The following ZNF704 variants were observed in gnomAD, a reference collection of about 807,000 sequenced individuals.
The protein encoded by ZNF704 is zinc finger protein 704, also known as glucocorticoid induced gene 1.
In ZNF704, 10 loss-of-function variants were observed where a neutral mutation model predicts 44.7. That is an observed-to-expected ratio of 0.22 (90% CI 0.14 to 0.38). The LOEUF (loss-of-function observed/expected upper bound fraction) is 0.38. Ranked by LOEUF, ZNF704 falls within the 10% of genes least tolerant of loss-of-function variation. The pLI is 1.00. For synonymous variants in ZNF704, 211 were observed against 207.6 expected, an observed-to-expected ratio of 1.02 and a Z score of -0.14; for missense variants, 390 against 545.5, an observed-to-expected ratio of 0.71 and a Z score of 2.84.
chr8:80,752,202 C>G (rs779288171), intron 2 of ZNF704, among the ~76,000 whole-genome samples: 1 of 152,140 alleles, frequency 6.6e-6, no homozygotes, highest in Admixed American at 6.5e-5. Flanking sequence ...AATGCACTCA[C>G]TACTTTGCAG....
chr8:80,857,325 C>T (rs1257000352), intron 1 of ZNF704, among the ~76,000 whole-genome samples: 1 of 152,006 alleles, frequency 6.6e-6, no homozygotes, highest in Non-Finnish European at 1.5e-5. Context: ...AGGAAATTAC[C>T]TTTTGCTATT....
intron 2 of ZNF704, among the ~76,000 whole-genome samples, chr8:80,805,954 T>C (rs1807983270): frequency 6.6e-6 from 1 of 152,168 alleles, no homozygotes; most frequent in African/African-American, 2.4e-5. Context: ...CATCAGTGTC[T>C]TCAAACAGCA....
chr8:80,880,936 T>G, the ZNF704 span, among the ~76,000 whole-genome samples: 1 of 152,274 alleles, frequency 6.6e-6, no homozygotes, highest in Non-Finnish European at 1.5e-5. Flanking sequence ...GTAGAAATTC[T>G]AAAGCTTTGA....
At chr8:80,677,804 G>A (rs73691989) in intron 4 of ZNF704, among the ~76,000 whole-genome samples, 16,496 of 152,024 alleles carry the variant, frequency 0.11, 3,030 homozygotes, top group African/African-American at 0.37. Context: ...GCCACATTTG[G>A]GATATCTTAA....
chr8:80,700,051 T>C (rs909590691), intron 2 of ZNF704, among the ~76,000 whole-genome samples: 1 of 152,196 alleles, frequency 6.6e-6, no homozygotes, highest in East Asian at 1.9e-4. Context: ...ATGCAAAAGC[T>C]CCTGGTTCTT....
intron 1 of ZNF704, among the ~76,000 whole-genome samples, chr8:80,833,485 T>G (rs1808505059): frequency 1.3e-5 from 2 of 152,214 alleles, no homozygotes; most frequent in South Asian, 4.1e-4. Flanking sequence ...TTCTTCAAAT[T>G]TCATGCTAGG....
At position 80,675,943 on chromosome 8, in the gene ZNF704, C is replaced by T. The variant is rs561612869; in HGVS notation, c.559-5340G>A. 6.6e-5 allele frequency among the ~76,000 whole-genome samples: 10 copies of T among 152,138 alleles called. No individual in the cohort carries two copies. The East Asian group carries it at 1.9e-3, about 29-fold the overall frequency. ...TGCAGTTAGAGATGATTAGGGTGCA[C>T]TGCAGCATCCAATATTTTATGTTGG... On this transcript the variant is annotated intron_variant, in intron 4 of 8. Coordinates refer to ENST00000327835, the MANE Select transcript of ZNF704 (RefSeq NM_001033723.3).
the ZNF704 span, among the ~76,000 whole-genome samples, chr8:80,881,344 G>A: frequency 6.6e-6 from 1 of 152,188 alleles, no homozygotes; most frequent in Admixed American, 6.5e-5. Flanking sequence ...CAAAGAGTGA[G>A]GGAAGTCACT....
At chr8:80,856,084 A>T (rs542595811) in intron 1 of ZNF704, among the ~76,000 whole-genome samples, 4 of 152,266 alleles carry the variant, frequency 2.6e-5, no homozygotes, top group African/African-American at 9.6e-5. Context: ...CAGCCTGTTG[A>T]GTAGCTGGGA....
chr8:80,695,239 C>T (rs1818707162), intron 2 of ZNF704, among the ~76,000 whole-genome samples: 1 of 152,300 alleles, frequency 6.6e-6, no homozygotes, highest in South Asian at 2.1e-4. Context: ...GCTGCATATC[C>T]ACTAATCTAC....
intron 2 of ZNF704, among the ~76,000 whole-genome samples, chr8:80,767,677 C>A (rs1172081341): frequency 6.6e-6 from 1 of 152,146 alleles, no homozygotes. Flanking sequence ...TGATACTAAG[C>A]AGCTACAATC....
chr8:80,701,146 C>T (rs1322679398), intron 2 of ZNF704, among the ~76,000 whole-genome samples: 2 of 148,006 alleles, frequency 1.4e-5, no homozygotes, highest in African/African-American at 2.7e-5. Flanking sequence ...TGGCTGAATC[C>T]TCCTGTGCTG....
chr8:80,657,793 A>G (rs776480943), intron 7 of ZNF704, among the ~76,000 whole-genome samples: 1 of 151,986 alleles, frequency 6.6e-6, no homozygotes, highest in Non-Finnish European at 1.5e-5. Context: ...TGTTTTATAT[A>G]TCGTATATAT....
At chr8:80,730,505 C>T (rs901322961) in intron 2 of ZNF704, among the ~76,000 whole-genome samples, 21 of 132,888 alleles carry the variant, frequency 1.6e-4, no homozygotes, top group African/African-American at 6.2e-4. Context: ...TGCCATTGCA[C>T]TCCAGCCTGG....
At chr8:80,813,360 C>T (rs1808121306) in intron 2 of ZNF704, among the ~76,000 whole-genome samples, 1 of 152,154 alleles carries the variant, frequency 6.6e-6, no homozygotes, top group Non-Finnish European at 1.5e-5. Context: ...ATTCTAAATT[C>T]ACAATGCCAT....
chr8:80,706,562 A>T (rs901078235), intron 2 of ZNF704, among the ~76,000 whole-genome samples: 1 of 152,242 alleles, frequency 6.6e-6, no homozygotes, highest in Non-Finnish European at 1.5e-5. Flanking sequence ...GCTCCCCAGG[A>T]GCAAGGGGGG....
intron 2 of ZNF704, among the ~76,000 whole-genome samples, chr8:80,778,337 C>T (rs1336613354): frequency 6.6e-6 from 1 of 152,040 alleles, no homozygotes; most frequent in Non-Finnish European, 1.5e-5. Context: ...ATGGCTATTA[C>T]TAGAAAGTCA....
chr8:80,819,064 C>G (rs1285649187), intron 2 of ZNF704, among the ~76,000 whole-genome samples: 1 of 152,054 alleles, frequency 6.6e-6, no homozygotes, highest in African/African-American at 2.4e-5. Flanking sequence ...GCAATGAAAA[C>G]AAGTATATTA....
intron 2 of ZNF704, among the ~76,000 whole-genome samples, chr8:80,804,364 CACAT>C (rs1337031189): frequency 1.3e-5 from 2 of 152,178 alleles, no homozygotes; most frequent in Non-Finnish European, 2.9e-5. Context: ...ATTATAAAGA[CACAT>C]GCATGCATAT....
Sources: gnomAD v4.1 joint callset for allele counts (sites outside exome capture counted in the v4.1 genomes callset) on GRCh38, gnomAD v4.1.1 for gene constraint, MANE v1.5 for transcripts, NCBI Gene and HGNC (gene_info 2026-07-23, HGNC 2026-07-21) for gene names.